Variants in SUCLA2 observed in about 807,000 individuals in gnomAD.
SUCLA2 encodes the protein succinate-CoA ligase ADP-forming subunit beta.
In SUCLA2, 30 loss-of-function variants were observed where a neutral mutation model predicts 54.8. That is an observed-to-expected ratio of 0.55 (90% CI 0.41 to 0.74). SUCLA2 has a LOEUF of 0.74. Among genes scored for constraint, SUCLA2 ranks in the 30% least tolerant of loss-of-function variants. The probability of loss-of-function intolerance (pLI) is 0.00; values close to 1 mark genes in which losing one functional copy is unlikely to be tolerated. For missense variants in SUCLA2, 476 were observed against 562.9 expected (o/e 0.85, Z 1.56); for synonymous variants, 172 against 188.9 (o/e 0.91, Z 0.74).
intron 6 of SUCLA2, among the ~76,000 whole-genome samples, chr13:47,964,407 T>C (rs1396780666): frequency 6.6e-6 from 1 of 152,196 alleles, no homozygotes; most frequent in African/African-American, 2.4e-5. Context: ...CTCAAATCTA[T>C]GTATGGAATA....
intron 6 of SUCLA2, chr13:47,965,503 AAAAAC>A (rs1206232102): frequency 2.6e-5 from 10 of 384,214 alleles, no homozygotes; most frequent in South Asian, 1.4e-4. Context: ...TTAAAAAAAA[AAAAAC>A]AAACAAACAA....
chr13:47,948,484 G>C (rs941059382), intron 10 of SUCLA2, among the ~76,000 whole-genome samples: 1 of 151,890 alleles, frequency 6.6e-6, no homozygotes, highest in Non-Finnish European at 1.5e-5. Flanking sequence ...CCTCCCAAAG[G>C]CTACTCTGAA....
intron 6 of SUCLA2, among the ~76,000 whole-genome samples, chr13:47,965,972 C>T (rs185298124): frequency 6.6e-6 from 1 of 152,096 alleles, no homozygotes; most frequent in Non-Finnish European, 1.5e-5. Context: ...GGTGAGAACC[C>T]GGGAGGTGGA....
At chr13:47,989,927 T>G (rs972576592) in intron 2 of SUCLA2, among the ~76,000 whole-genome samples, 1 of 152,244 alleles carries the variant, frequency 6.6e-6, no homozygotes, top group African/African-American at 2.4e-5. Flanking sequence ...TTTAAATAAA[T>G]GGACTGAATT....
At chr13:47,998,527 A>C (rs186352299) in intron 1 of SUCLA2, among the ~76,000 whole-genome samples, 7 of 152,286 alleles carry the variant, frequency 4.6e-5, no homozygotes, top group Admixed American at 2.0e-4. Context: ...GAATGGATAA[A>C]CTGTGGTATA....
At position 47,954,596 on chromosome 13, in the gene SUCLA2, G is replaced by A. The variant is rs142255054; in HGVS notation, c.803-39C>T. The A allele has an allele frequency of 1.1e-4, 182 of 1,602,498 alleles. No individual in the cohort carries two copies. The East Asian group carries it at 2.7e-3, about 24-fold the overall frequency. The stretch of plus-strand genomic sequence containing the variant: ...AAGAGAAAAATGACCTTAATTTCAA[G>A]ACAGATACAATAAAGTATCAAATAG... On this transcript the variant is annotated intron_variant, in intron 6 of 10. Transcript: ENST00000646932.
At position 47,959,582 on chromosome 13, in the gene SUCLA2, G is replaced by GA. The variant is rs1949851425; in HGVS notation, c.803-5026dup. Among the ~76,000 whole-genome samples, 4 of 151,606 alleles carry GA rather than the reference G, an allele frequency of 2.6e-5. 1 individual carries two copies. The highest frequency in any genetic ancestry group is 9.7e-5 in the African/African-American group (4 of 41,326). ...CCAGGAGAAGGAGGAGGAGGAAGAG[G>GA]AAAAAAATCTGGTACTGATTGGAAA... On this transcript the variant is annotated intron_variant, in intron 6 of 10. Transcript: ENST00000646932.
Position 47,943,150 on chromosome 13 carries a change from C to T in SUCLA2, c.*221G>A, listed in dbSNP as rs1241956106. 3.2e-5 allele frequency: 16 copies of T among 503,354 alleles called. No homozygotes were observed. The highest frequency in any genetic ancestry group is 6.8e-5 in the East Asian group (2 of 29,348). 31.2% of individuals were successfully genotyped at this position (503,354 alleles called of 1,614,324 possible). A position where few individuals can be genotyped will look rare whatever the true frequency, so the allele number is the denominator to read the frequency against. On this transcript the variant is annotated 3_prime_UTR_variant, in exon 11 of 11. Coordinates refer to ENST00000646932, the MANE Select transcript of SUCLA2 (RefSeq NM_003850.3). ...TAGGAGAAGCAAAAAAGACTGGCTG[C>T]GACAAAAGAAAGAAGATAACTGCAT...
At chr13:47,945,050 G>A (rs992409033) in intron 10 of SUCLA2, among the ~76,000 whole-genome samples, 2 of 151,936 alleles carry the variant, frequency 1.3e-5, no homozygotes, top group African/African-American at 2.4e-5. Flanking sequence ...AGGGGTTCAA[G>A]ACCAGCCTGA....
In SUCLA2 at chr13:47,997,290, C is replaced by T. The variant is rs115546815; in HGVS notation, c.91-267G>A. 4.3e-3 allele frequency among the ~76,000 whole-genome samples: 655 copies of T among 152,228 alleles called. 7 individuals carry two copies. The highest frequency in any genetic ancestry group is 0.015 in the African/African-American group (608 of 41,530). On this transcript the variant is annotated intron_variant, in intron 1 of 10. Coordinates refer to ENST00000646932, the MANE Select transcript of SUCLA2 (RefSeq NM_003850.3). ...ATCATATCTCCAATGATCTACAGGGCAGTTCTACCTCAATGCCAAATTCAG... is the reference window on the plus strand; with the variant it reads ...ATCATATCTCCAATGATCTACAGGGTAGTTCTACCTCAATGCCAAATTCAG...
At chr13:47,962,733 T>C (rs934938587) in intron 6 of SUCLA2, among the ~76,000 whole-genome samples, 2 of 152,188 alleles carry the variant, frequency 1.3e-5, no homozygotes, top group African/African-American at 4.8e-5. Flanking sequence ...GACCAATGAC[T>C]GGATTCCTCA....
At position 47,989,520 on chromosome 13, in the gene SUCLA2, G is replaced by A. The variant is rs568054927; in HGVS notation, c.272-539C>T. ...GCCAGTGCTGGGATTACAGGCATGAGCCACCGCACCTGGCCACATTAAACC... is the reference window on the plus strand; with the variant it reads ...GCCAGTGCTGGGATTACAGGCATGAACCACCGCACCTGGCCACATTAAACC... On this transcript the variant is annotated intron_variant, in intron 2 of 10. Transcript: ENST00000646932. Among the ~76,000 whole-genome samples, 3 of 150,730 alleles carry A rather than the reference G, an allele frequency of 2.0e-5. No homozygotes were observed. In the South Asian group the frequency reaches 6.3e-4, roughly 32 times the overall value.
intron 8 of SUCLA2, among the ~76,000 whole-genome samples, chr13:47,951,710 C>T (rs543725718): frequency 2.0e-5 from 3 of 152,086 alleles, no homozygotes; most frequent in Non-Finnish European, 4.4e-5. Context: ...TAGCATACAA[C>T]CTTCCTTTCT....
intron 4 of SUCLA2, among the ~76,000 whole-genome samples, chr13:47,984,434 C>A (rs1251660282): frequency 6.6e-6 from 1 of 151,856 alleles, no homozygotes; most frequent in Non-Finnish European, 1.5e-5. Flanking sequence ...GATCTCCTGA[C>A]CTCATGATCC....
intron 6 of SUCLA2, chr13:47,956,998 T>G (rs976457170): frequency 6.6e-6 from 1 of 152,224 alleles, no homozygotes; most frequent in Non-Finnish European, 1.5e-5. Flanking sequence ...AGCTTGAAGC[T>G]TACATTTGTT....
chr13:47,948,291 ACT>A (rs1213733986), intron 10 of SUCLA2, among the ~76,000 whole-genome samples: 12 of 152,062 alleles, frequency 7.9e-5, no homozygotes, highest in Admixed American at 3.9e-4. Flanking sequence ...CCTTGACCAA[ACT>A]CTCTTTTGTT....
chr13:47,944,031 A>G (rs1486684950), intron 10 of SUCLA2, among the ~76,000 whole-genome samples: 1 of 152,060 alleles, frequency 6.6e-6, no homozygotes, highest in African/African-American at 2.4e-5. Context: ...ACAAAACATC[A>G]TACAAATTTA....
At chr13:47,978,453 G>T (rs535869793) in intron 4 of SUCLA2, among the ~76,000 whole-genome samples, 37 of 152,284 alleles carry the variant, frequency 2.4e-4, no homozygotes, top group Non-Finnish European at 3.1e-4. Context: ...GGGAAAACTG[G>T]CTAGCCATAT....
At chr13:47,963,382 G>A (rs1425698448) in intron 6 of SUCLA2, among the ~76,000 whole-genome samples, 1 of 152,150 alleles carries the variant, frequency 6.6e-6, no homozygotes, top group Non-Finnish European at 1.5e-5. Context: ...AGTGGCTCAC[G>A]CCTGTAATCC....
Sources: allele counts gnomAD v4.1 joint callset (sites outside exome capture counted in the v4.1 genomes callset), GRCh38; gene constraint gnomAD v4.1.1; transcripts MANE v1.5; gene names NCBI Gene and HGNC (gene_info 2026-07-23, HGNC 2026-07-21).